TBC1D23: variants seen among roughly 807,000 people sequenced by gnomAD.
TBC1D23 encodes the protein TBC1 domain family member 23.
A neutral mutation model predicts 91.4 loss-of-function variants in TBC1D23; 55 were observed. The observed-to-expected ratio is 0.60, with a 90% CI of 0.48 to 0.75. The LOEUF (loss-of-function observed/expected upper bound fraction) is 0.75, where lower values mean the gene tolerates loss of function less well. Among genes scored for constraint, TBC1D23 ranks in the 30% least tolerant of loss-of-function variants. The pLI is 0.00. For synonymous variants in TBC1D23, 289 were observed against 281.0 expected, an observed-to-expected ratio of 1.03 and a Z score of -0.28; for missense variants, 725 against 836.1, an observed-to-expected ratio of 0.87 and a Z score of 1.64.
chr3:100,268,363 C>CA (rs1190234845), intron 1 of TBC1D23, among the ~76,000 whole-genome samples: 8 of 151,222 alleles, frequency 5.3e-5, no homozygotes, highest in Non-Finnish European at 1.2e-4. Flanking sequence ...ATCCTTTTAT[C>CA]AAAAAAAATG....
At chr3:100,301,938 C>A in intron 10 of TBC1D23, 129 bp from the exon 11 acceptor site, 1 of 628,716 alleles carries the variant, frequency 1.6e-6, no homozygotes, top group Non-Finnish European at 2.7e-6. Context: ...TTTATAAGAG[C>A]CTTTTTTTCC....
At chr3:100,287,760 T>C (rs1201394166) in intron 4 of TBC1D23, among the ~76,000 whole-genome samples, 1 of 152,156 alleles carries the variant, frequency 6.6e-6, no homozygotes, top group East Asian at 1.9e-4. Flanking sequence ...ATTTTTATTT[T>C]TCCCTTTAAA....
chr3:100,290,490 T>C (rs1455387767), intron 4 of TBC1D23, 88 bp from the exon 5 acceptor site: 1 of 1,152,386 alleles, frequency 8.7e-7, no homozygotes, highest in Non-Finnish European at 1.3e-6. Flanking sequence ...CAGTGAATGC[T>C]GTGGAGGGTA....
At chr3:100,315,401 A>T (rs1203090079) in intron 15 of TBC1D23, among the ~76,000 whole-genome samples, 1 of 152,008 alleles carries the variant, frequency 6.6e-6, no homozygotes, top group Non-Finnish European at 1.5e-5. Context: ...ACCTCAGGTG[A>T]TCCACCTACC....
intron 4 of TBC1D23, among the ~76,000 whole-genome samples, chr3:100,287,949 A>T (rs1468368045): frequency 1.3e-5 from 2 of 151,962 alleles, no homozygotes; most frequent in Non-Finnish European, 2.9e-5. Flanking sequence ...CTGTCATGTT[A>T]AAACTGTGAG....
intron 1 of TBC1D23, among the ~76,000 whole-genome samples, chr3:100,263,671 C>T (rs1426013611): frequency 6.6e-6 from 1 of 152,194 alleles, no homozygotes; most frequent in Non-Finnish European, 1.5e-5. Context: ...ACAGACATTA[C>T]AACACTTTTC....
chr3:100,299,764 GCCT>G (rs919084104), intron 10 of TBC1D23, among the ~76,000 whole-genome samples: 4 of 152,194 alleles, frequency 2.6e-5, no homozygotes, highest in Non-Finnish European at 5.9e-5. Context: ...CCCTGCCTCA[GCCT>G]CCCAAAGTGT....
Position 100,283,628 on chromosome 3 carries a change from A to T in TBC1D23, c.293A>T (p.Glu98Val), listed in dbSNP as rs1488838006. The change falls in exon 4 of 19, where the codon GAG becomes GTG. Residue 98 changes from glutamate to valine, a missense_variant. Physicochemically the swap from Glu to Val is moderately radical, Grantham distance 121. Transcript: ENST00000394144. ...QFIDQLSVPEEKAAELLLDIE... is the reference protein window; with the variant it reads ...QFIDQLSVPEVKAAELLLDIE... Reference sequence around the variant, plus strand: ...CTAGACCAGCTTTCAGTGCCAGAGGAGAAGGCAGCAGAATTACTTTTGGAT... The same window carrying T: ...CTAGACCAGCTTTCAGTGCCAGAGGTGAAGGCAGCAGAATTACTTTTGGAT... 1.2e-6 allele frequency: 2 copies of T among 1,613,756 alleles called. No homozygotes were observed. Among genetic ancestry groups the T allele is most frequent in the African/African-American group, 2.7e-5 (2 of 74,920 alleles).
chr3:100,296,071 C>T (rs575830038), intron 7 of TBC1D23, 101 bp from the exon 8 acceptor site: 1 of 603,588 alleles, frequency 1.7e-6, no homozygotes, highest in South Asian at 2.9e-5. Context: ...TGTTGAGACT[C>T]CATTTGCATA....
intron 15 of TBC1D23, among the ~76,000 whole-genome samples, chr3:100,313,437 A>G (rs1483401897): frequency 6.6e-6 from 1 of 152,220 alleles, no homozygotes; most frequent in Non-Finnish European, 1.5e-5. Flanking sequence ...CAAAAAAAGT[A>G]TAGATATTGT....
chr3:100,296,145 C>T, intron 7 of TBC1D23, 27 bp from the exon 8 acceptor site: 1 of 1,304,530 alleles, frequency 7.7e-7, no homozygotes, highest in East Asian at 2.4e-5. Flanking sequence ...TCACAAACTA[C>T]TAAATATTAT....
intron 4 of TBC1D23, among the ~76,000 whole-genome samples, chr3:100,289,660 T>C (rs776942670): frequency 2.6e-5 from 4 of 152,166 alleles, no homozygotes; most frequent in Non-Finnish European, 5.9e-5. Flanking sequence ...AGGAATCTTC[T>C]TAGAGCTGAG....
At chr3:100,270,620 T>TATTC in intron 1 of TBC1D23, among the ~76,000 whole-genome samples, 1 of 152,208 alleles carries the variant, frequency 6.6e-6, no homozygotes, top group South Asian at 2.1e-4. Flanking sequence ...ATGCTAGAAG[T>TATTC]ACTTTCAGTG....
At chr3:100,286,996 G>T (rs972266991) in intron 4 of TBC1D23, among the ~76,000 whole-genome samples, 1 of 151,790 alleles carries the variant, frequency 6.6e-6, no homozygotes, top group African/African-American at 2.4e-5. Flanking sequence ...TGTATTTTTA[G>T]TAGAGATGGG....
At chr3:100,283,577 G>C in intron 3 of TBC1D23, 30 bp from the exon 4 acceptor site, 2 of 1,561,574 alleles carry the variant, frequency 1.3e-6, no homozygotes, top group Non-Finnish European at 1.8e-6. Flanking sequence ...CAGGCCCTCA[G>C]TAACTTTATT....
In TBC1D23 at chr3:100,320,823, G is replaced by A; in HGVS notation, c.1870G>A (p.Val624Ile). ...ATHMYCLREI[V>I]SRKGLAYIQS... ...ACATATGTACTGTTTAAGGGAGATTGTTTCACGGAAAGGATTGGCTTATAT... is the reference window on the plus strand; with the variant it reads ...ACATATGTACTGTTTAAGGGAGATTATTTCACGGAAAGGATTGGCTTATAT... The change falls in exon 18 of 19, where the codon GTT (valine) becomes ATT (isoleucine). Residue 624 changes from valine (V) to isoleucine (I), a missense_variant. Val to Ile is a conservative substitution (Grantham distance 29). Transcript: ENST00000394144. 3 of 1,610,598 alleles carry A rather than the reference G, an allele frequency of 1.9e-6. No individual in the cohort carries two copies. The highest frequency in any genetic ancestry group is 1.1e-5 in the South Asian group (1 of 89,902).
At chr3:100,272,775 A>G (rs960007432) in intron 1 of TBC1D23, among the ~76,000 whole-genome samples, 1 of 152,264 alleles carries the variant, frequency 6.6e-6, no homozygotes, top group African/African-American at 2.4e-5. Flanking sequence ...TCTGCATCAT[A>G]GACAAGGTAA....
chr3:100,302,892 A>G (rs1246497100), intron 11 of TBC1D23, among the ~76,000 whole-genome samples: 2 of 152,082 alleles, frequency 1.3e-5, no homozygotes, highest in African/African-American at 4.8e-5. Flanking sequence ...CTGGCCTATT[A>G]TGTTACATTG....
intron 1 of TBC1D23, chr3:100,261,438 C>A: frequency 3.7e-6 from 1 of 270,942 alleles, no homozygotes; most frequent in Non-Finnish European, 7.1e-6. Context: ...GGATGCAGAT[C>A]TGAGTCACTA....
Sources: gnomAD v4.1 joint callset for allele counts (sites outside exome capture counted in the v4.1 genomes callset) on GRCh38, gnomAD v4.1.1 for gene constraint, MANE v1.5 for transcripts, NCBI Gene and HGNC (gene_info 2026-07-23, HGNC 2026-07-21) for gene names.